DMD: variants seen among roughly 807,000 people sequenced by gnomAD.
DMD encodes dystrophin, also known as mutant dystrophin.
DMD carries 63 observed loss-of-function variants against 330.1 expected under a neutral mutation model. The observed-to-expected ratio is 0.19, with a 90% confidence interval of 0.16 to 0.24. The LOEUF (loss-of-function observed/expected upper bound fraction) is 0.24, where lower values mean the gene tolerates loss of function less well. Ranked by LOEUF, DMD falls within the 10% of genes least tolerant of loss-of-function variation. DMD has a pLI of 1.00. For missense variants in DMD, 3,344 were observed against 2,684.1 expected, an observed-to-expected ratio of 1.25 and a Z score of -5.43; for synonymous variants, 1,223 against 959.8, an observed-to-expected ratio of 1.27 and a Z score of -5.07.
chrX:33,137,403 T>C (rs2095533909), intron 1 of DMD, among the ~76,000 whole-genome samples: 1 of 111,695 alleles, frequency 9.0e-6, no homozygotes, highest in Non-Finnish European at 1.9e-5. Context: ...CAGCTTCTAG[T>C]TTCACTAGGA....
At chrX:32,402,971 C>T (rs1312726408) in intron 30 of DMD, among the ~76,000 whole-genome samples, 1 of 111,568 alleles carries the variant, frequency 9.0e-6, no homozygotes, top group African/African-American at 3.3e-5. Context: ...ATTTGTCTGA[C>T]ACATACTTAG....
chrX:32,284,323 G>T (rs2097431426), intron 43 of DMD, among the ~76,000 whole-genome samples: 1 of 111,475 alleles, frequency 9.0e-6, no homozygotes, highest in Non-Finnish European at 1.9e-5. Context: ...TCTTGTTCTT[G>T]CCCTCTTGTA....
chrX:31,747,286 C>CA (rs1264961498), intron 51 of DMD, among the ~76,000 whole-genome samples: 49 of 111,402 alleles, frequency 4.4e-4, no homozygotes, highest in African/African-American at 1.5e-3. Context: ...GCTTCTCTGT[C>CA]AAAAAACACC....
intron 43 of DMD, among the ~76,000 whole-genome samples, chrX:32,252,626 A>G (rs2097268484): frequency 1.2e-5 from 1 of 82,811 alleles, no homozygotes; most frequent in African/African-American, 4.9e-5. Flanking sequence ...ATATATAAAT[A>G]TGTGTATATA....
At position 32,715,469 on chromosome X, in the gene DMD, CAAAAA is replaced by C. The variant is rs61325834; in HGVS notation, c.650-16181_650-16177del. ...ATCAGCCTGGTGACAGAGATTCCAT[CAAAAA>C]AAAAAAAAAAAAAAAAAAAAAGGAG... On this transcript the variant is annotated intron_variant, in intron 7 of 78. Transcript: ENST00000357033. Among the ~76,000 whole-genome samples the C allele has an allele frequency of 6.5e-3, 112 of 17,213 alleles. 1 individual carries two copies. Among genetic ancestry groups the C allele is most frequent in the African/African-American group, 0.017 (104 of 6,050 alleles). The allele number at this position is 17,213 out of a possible 115,157, so 14.9% of individuals were successfully genotyped here.
intron 23 of DMD, among the ~76,000 whole-genome samples, chrX:32,465,072 T>C (rs1193919596): frequency 8.9e-6 from 1 of 112,113 alleles, no homozygotes; most frequent in Admixed American, 9.5e-5. Context: ...AAACTCAATG[T>C]AATGGTGTCT....
chrX:31,422,125 C>T (rs1294829295), intron 60 of DMD, among the ~76,000 whole-genome samples: 3 of 105,341 alleles, frequency 2.8e-5, no homozygotes, highest in Non-Finnish European at 5.8e-5. Context: ...CCCACCTCAG[C>T]CTCCCGAGTA....
chrX:32,869,140 C>G (rs186870562), intron 2 of DMD, among the ~76,000 whole-genome samples: 1 of 110,934 alleles, frequency 9.0e-6, no homozygotes, highest in East Asian at 2.9e-4. Context: ...GAGCGAACCC[C>G]CAACAAACTG....
At chrX:31,506,187 G>A (rs973369742) in intron 56 of DMD, among the ~76,000 whole-genome samples, 1 of 111,426 alleles carries the variant, frequency 9.0e-6, no homozygotes, top group African/African-American at 3.3e-5. Flanking sequence ...TTACAATAGT[G>A]CTTCTGAATT....
chrX:32,298,619 A>G (rs1436657694), intron 42 of DMD, among the ~76,000 whole-genome samples: 1 of 110,700 alleles, frequency 9.0e-6, no homozygotes, highest in African/African-American at 3.3e-5. Context: ...CTCAGAAAAT[A>G]CTGATGTTTT....
At chrX:31,257,939 T>A (rs183659340) in intron 63 of DMD, among the ~76,000 whole-genome samples, 1,127 of 111,292 alleles carry the variant, frequency 0.01, 13 homozygotes, top group African/African-American at 0.035. Flanking sequence ...AGAGTGAGAA[T>A]CTGTCTCAAA....
At chrX:32,836,323 C>T (rs1391100866) in intron 4 of DMD, among the ~76,000 whole-genome samples, 7 of 110,665 alleles carry the variant, frequency 6.3e-5, no homozygotes, top group East Asian at 2.9e-4. Flanking sequence ...TGAGCCACCA[C>T]GCTCGGCCTC....
At chrX:31,971,860 T>G (rs1359984739) in intron 44 of DMD, among the ~76,000 whole-genome samples, 3 of 112,005 alleles carry the variant, frequency 2.7e-5, no homozygotes, top group Non-Finnish European at 5.7e-5. Context: ...TCATAGGCAT[T>G]CTTATCTATT....
At chrX:32,341,438 C>A (rs2295329) in intron 41 of DMD, among the ~76,000 whole-genome samples, 50,646 of 110,752 alleles carry the variant, frequency 0.46, 9,997 homozygotes, top group South Asian at 0.71. Flanking sequence ...GAGAACCATA[C>A]ACTTTCCATT....
chrX:31,135,386 T>C (rs2035092587), intron 76 of DMD, among the ~76,000 whole-genome samples: 1 of 112,600 alleles, frequency 8.9e-6, no homozygotes, highest in Non-Finnish European at 1.9e-5. Flanking sequence ...ATATAGGTAA[T>C]GAAATATGAA....
chrX:31,920,364 A>G (rs892408494), intron 47 of DMD, among the ~76,000 whole-genome samples: 7 of 111,835 alleles, frequency 6.3e-5, no homozygotes, highest in Non-Finnish European at 1.1e-4. Flanking sequence ...GGTCTTAAAT[A>G]TGGCCTTTAA....
At chrX:32,041,803 G>A (rs771083686) in intron 44 of DMD, among the ~76,000 whole-genome samples, 3 of 108,373 alleles carry the variant, frequency 2.8e-5, no homozygotes, top group Non-Finnish European at 5.7e-5. Flanking sequence ...TAGCACTGTC[G>A]TTGAATTAGG....
At chrX:32,911,989 G>A (rs1404490389) in intron 2 of DMD, among the ~76,000 whole-genome samples, 5 of 102,133 alleles carry the variant, frequency 4.9e-5, no homozygotes, top group African/African-American at 1.5e-4. Context: ...TAAAGTACAG[G>A]GAGAGGAAGG....
intron 1 of DMD, among the ~76,000 whole-genome samples, chrX:33,075,072 C>T (rs2094818647): frequency 8.9e-6 from 1 of 111,964 alleles, no homozygotes; most frequent in African/African-American, 3.2e-5. Context: ...CCAGAGGTCA[C>T]AAGACACGCG....
Sources: gnomAD v4.1 joint callset for allele counts (sites outside exome capture counted in the v4.1 genomes callset) on GRCh38, gnomAD v4.1.1 for gene constraint, MANE v1.5 for transcripts, NCBI Gene and HGNC (gene_info 2026-07-23, HGNC 2026-07-21) for gene names.